Variants in OR1L8 observed in about 807,000 individuals in gnomAD.
OR1L8 encodes the protein olfactory receptor 1L8.
For synonymous variants in OR1L8, 148 were observed against 147.0 expected, an observed-to-expected ratio of 1.01 and a Z score of -0.05; for missense variants, 330 against 377.4, an observed-to-expected ratio of 0.87 and a Z score of 1.04.
chr9:122,550,411 C>T, the OR1L8 span, among the ~76,000 whole-genome samples: 12 of 152,192 alleles, frequency 7.9e-5, no homozygotes, highest in African/African-American at 2.9e-4. Flanking sequence ...AAGCAGGTAT[C>T]ACCTGGATAT....
downstream of OR1L8, among the ~76,000 whole-genome samples, chr9:122,564,953 T>G (rs555420043): frequency 7.9e-5 from 11 of 139,884 alleles, no homozygotes; most frequent in East Asian, 2.2e-3. Context: ...ATTGTGCCAA[T>G]TAGACCTAGT....
chr9:122,574,302 G>A (rs1422707234), intron 3 of OR1L8, among the ~76,000 whole-genome samples: 1 of 152,142 alleles, frequency 6.6e-6, no homozygotes, highest in Non-Finnish European at 1.5e-5. Context: ...CAGGAGAATT[G>A]ACCTTTTGAT....
chr9:122,564,297 G>A (rs1210518193), downstream of OR1L8, among the ~76,000 whole-genome samples: 3 of 152,276 alleles, frequency 2.0e-5, no homozygotes, highest in East Asian at 3.9e-4. Context: ...CTGTGGTTAT[G>A]TCCCCAGTGC....
rs755254986 is a variant in OR1L8, at chr9:122,568,339, T to A, written c.139A>T (p.Ile47Phe). The stretch of plus-strand genomic sequence containing the variant: ...TGGGGGTTGAAGCGAATGGCCAGGA[T>A]GATGAGCAGGTTCCCTGTTATGGTG... ...LVTITGNLLI[I>F]LAIRFNPHLQ... Residue 47 changes from isoleucine to phenylalanine, a missense_variant, in exon 5 of 5, where the codon ATC (isoleucine) becomes TTC (phenylalanine). Coordinates refer to ENST00000641027, the MANE Select transcript of OR1L8 (RefSeq NM_001004454.2). 6.2e-7 allele frequency: 1 copy of A among 1,613,906 alleles called. No homozygotes were observed. Among genetic ancestry groups the A allele is most frequent in the African/African-American group, 1.3e-5 (1 of 74,870 alleles).
At chr9:122,570,383 T>C (rs569098176) in intron 4 of OR1L8, among the ~76,000 whole-genome samples, 1 of 152,358 alleles carries the variant, frequency 6.6e-6, no homozygotes, top group Non-Finnish European at 1.5e-5. Flanking sequence ...TTACACATTG[T>C]GAATGGGCCT....
the OR1L8 span, among the ~76,000 whole-genome samples, chr9:122,547,347 A>G: frequency 6.6e-6 from 1 of 152,148 alleles, no homozygotes. Flanking sequence ...TTTAAAAACA[A>G]TTTGATTGTT....
chr9:122,571,482 G>C (rs183437648), intron 4 of OR1L8, among the ~76,000 whole-genome samples: 1 of 151,388 alleles, frequency 6.6e-6, no homozygotes. Flanking sequence ...CCCAGGAGAC[G>C]GAGGTTGCAG....
intron 1 of OR1L8, among the ~76,000 whole-genome samples, chr9:122,580,591 A>G (rs949188497): frequency 2.0e-5 from 3 of 152,222 alleles, no homozygotes; most frequent in African/African-American, 7.2e-5. Context: ...ACACAAGAAT[A>G]TGAGAAAGGA....
At chr9:122,574,687 T>C (rs927554884) in intron 3 of OR1L8, among the ~76,000 whole-genome samples, 1 of 152,146 alleles carries the variant, frequency 6.6e-6, no homozygotes, top group Non-Finnish European at 1.5e-5. Context: ...TTATTACTAT[T>C]CTTGTCTTAT....
At chr9:122,562,388 T>C (rs1217411115), downstream of OR1L8, among the ~76,000 whole-genome samples, 1 of 152,236 alleles carries the variant, frequency 6.6e-6, no homozygotes, top group South Asian at 2.1e-4. Flanking sequence ...AAGCAGATTC[T>C]AGCTGAGTGG....
At chr9:122,549,635 A>G in the OR1L8 span, among the ~76,000 whole-genome samples, 1 of 152,034 alleles carries the variant, frequency 6.6e-6, no homozygotes, top group Non-Finnish European at 1.5e-5. Context: ...TCCCCAGTGT[A>G]TGTTTTTGTT....
the OR1L8 span, among the ~76,000 whole-genome samples, chr9:122,559,828 G>C: frequency 6.6e-6 from 1 of 151,938 alleles, no homozygotes; most frequent in South Asian, 2.1e-4. Flanking sequence ...TCTGAGTTCT[G>C]TCGACGTTTA....
intron 1 of OR1L8, among the ~76,000 whole-genome samples, chr9:122,582,869 G>GAAAT (rs1204087826): frequency 6.6e-6 from 1 of 151,736 alleles, no homozygotes; most frequent in Non-Finnish European, 1.5e-5. Flanking sequence ...AAAATCTCTA[G>GAAAT]AAATAAAAGT....
chr9:122,559,306 A>AT, the OR1L8 span, among the ~76,000 whole-genome samples: 410 of 150,818 alleles, frequency 2.7e-3, no homozygotes, highest in African/African-American at 8.0e-3. Flanking sequence ...ATTTATTTTT[A>AT]TTTTTTTTTA....
At chr9:122,571,800 T>C (rs1332816918) in intron 4 of OR1L8, among the ~76,000 whole-genome samples, 1 of 152,066 alleles carries the variant, frequency 6.6e-6, no homozygotes. Context: ...TGCCTTGGAC[T>C]TGAGGCAGAA....
At chr9:122,566,049 G>A (rs747219528), downstream of OR1L8, among the ~76,000 whole-genome samples, 6 of 152,126 alleles carry the variant, frequency 3.9e-5, no homozygotes, top group Non-Finnish European at 7.4e-5. Context: ...ACACAAATTA[G>A]GGTGACCTCT....
chr9:122,571,736 C>G (rs908805830), intron 4 of OR1L8, among the ~76,000 whole-genome samples: 3 of 151,162 alleles, frequency 2.0e-5, no homozygotes, highest in Admixed American at 2.0e-4. Flanking sequence ...AAAAATTGAC[C>G]ATGCATGGTG....
the OR1L8 span, chr9:122,553,264 T>C: frequency 6.2e-7 from 1 of 1,613,882 alleles, no homozygotes; most frequent in Non-Finnish European, 8.5e-7. Context: ...TTCCTCCTTC[T>C]AGGACTCTCT....
the OR1L8 span, among the ~76,000 whole-genome samples, chr9:122,548,967 G>T: frequency 2.0e-5 from 3 of 151,884 alleles, no homozygotes; most frequent in East Asian, 5.8e-4. Context: ...AAGCTTTTTG[G>T]TTTAATTTAG....
Sources: gnomAD v4.1 joint callset for allele counts (sites outside exome capture counted in the v4.1 genomes callset) on GRCh38, gnomAD v4.1.1 for gene constraint, MANE v1.5 for transcripts, NCBI Gene and HGNC (gene_info 2026-07-23, HGNC 2026-07-21) for gene names.